The following GABRA3 variants were observed in gnomAD, a reference collection of about 807,000 sequenced individuals.
GABRA3 encodes gamma-aminobutyric acid receptor subunit alpha-3.
A neutral mutation model predicts 30.1 loss-of-function variants in GABRA3; 10 were observed. The ratio of observed to expected loss-of-function variants is 0.33; its 90% confidence interval spans 0.20 to 0.56. GABRA3 has a LOEUF of 0.56. Ranked by LOEUF, GABRA3 falls within the 20% of genes least tolerant of loss-of-function variation. The pLI is 0.89. For synonymous variants in GABRA3, 151 were observed against 146.8 expected (o/e 1.03, Z -0.21); for missense variants, 233 against 392.0 (o/e 0.59, Z 3.42).
At chrX:152,351,377 C>A (rs1940476505) in intron 2 of GABRA3, among the ~76,000 whole-genome samples, 1 of 112,268 alleles carries the variant, frequency 8.9e-6, no homozygotes, top group African/African-American at 3.2e-5. Context: ...GCTCCTCCAT[C>A]AGCACTTGTG....
chrX:152,424,172 A>G (rs1004410329), intron 1 of GABRA3, among the ~76,000 whole-genome samples: 2 of 110,999 alleles, frequency 1.8e-5, no homozygotes, highest in African/African-American at 6.6e-5. Flanking sequence ...ATCATTCCCT[A>G]TCTCAGTGAA....
chrX:152,366,145 TCCATGGTAAGGGCAGTAA>T (rs1928653876), intron 1 of GABRA3, among the ~76,000 whole-genome samples: 1 of 111,534 alleles, frequency 9.0e-6, no homozygotes, highest in African/African-American at 3.3e-5. Context: ...ATAAGTAACT[TCCATGGTAAGGGCAGTAA>T]CCATGATATA....
chrX:152,420,225 C>T (rs938725227), intron 1 of GABRA3, among the ~76,000 whole-genome samples: 4 of 111,062 alleles, frequency 3.6e-5, no homozygotes, highest in Non-Finnish European at 7.6e-5. Context: ...ATAGAAGATG[C>T]CTATGATCTC....
intron 3 of GABRA3, among the ~76,000 whole-genome samples, chrX:152,299,365 G>A (rs746778043): frequency 9.0e-6 from 1 of 110,692 alleles, no homozygotes; most frequent in African/African-American, 3.3e-5. Flanking sequence ...CTGATGCCTG[G>A]GGTATGGCTC....
At position 152,307,245 on chromosome X, in the gene GABRA3, T is replaced by G. The variant is rs774544265; in HGVS notation, c.263-22510A>C. Among the ~76,000 whole-genome samples, 234 of 111,816 alleles carry G rather than the reference T, an allele frequency of 2.1e-3. 1 individual carries two copies. The highest frequency in any genetic ancestry group is 6.5e-3 in the Admixed American group (68 of 10,484). On this transcript the variant is annotated intron_variant, in intron 3 of 9. Transcript: ENST00000370314. ...CGAAATTAAAGTAAAGTAAAGTAAA[T>G]TAAATAAGGGATGCTGGATGTGAAA...
At chrX:152,233,841 A>G (rs1386064423) in intron 5 of GABRA3, among the ~76,000 whole-genome samples, 2 of 106,397 alleles carry the variant, frequency 1.9e-5, no homozygotes, top group Non-Finnish European at 3.9e-5. Flanking sequence ...TGTGGCACAT[A>G]TACACCATGG....
chrX:152,209,486 G>A (rs1467536791), intron 6 of GABRA3, among the ~76,000 whole-genome samples: 1 of 111,150 alleles, frequency 9.0e-6, no homozygotes, highest in Non-Finnish European at 1.9e-5. Context: ...CAAGCCAGAG[G>A]GGAAGAGGGG....
chrX:152,285,064 C>G (rs770186437), intron 3 of GABRA3, among the ~76,000 whole-genome samples: 1 of 111,753 alleles, frequency 8.9e-6, no homozygotes, highest in Non-Finnish European at 1.9e-5. Context: ...TTGCAATATC[C>G]AACACTCTTC....
chrX:152,255,544 T>C (rs1938622840), intron 5 of GABRA3, among the ~76,000 whole-genome samples: 1 of 112,344 alleles, frequency 8.9e-6, no homozygotes, highest in Non-Finnish European at 1.9e-5. Context: ...ATCATGAATG[T>C]ATACCTCTGT....
rs944999865 is a variant in GABRA3, at chrX:152,197,543, C to A, written c.931+90G>T. ...GCTAGGCACAGGAATTTCTCCCATT[C>A]TCTCCAGGAGCCATTCTTCCACCTT... On this transcript the variant is annotated intron_variant, in intron 8 of 9. Transcript: ENST00000370314. The A allele has an allele frequency of 4.0e-5, 34 of 854,155 alleles. No homozygotes were observed. In the Admixed American group the frequency reaches 6.8e-4, roughly 17 times the overall value. 70.4% of individuals were successfully genotyped at this position (854,155 alleles called of 1,213,427 possible).
chrX:152,342,289 C>G (rs891432401), intron 3 of GABRA3, among the ~76,000 whole-genome samples: 1 of 112,228 alleles, frequency 8.9e-6, no homozygotes, highest in African/African-American at 3.2e-5. Context: ...GTTTCTTAAC[C>G]ATTTATATAT....
intron 9 of GABRA3, among the ~76,000 whole-genome samples, chrX:152,183,039 T>C (rs1394438175): frequency 9.3e-6 from 1 of 107,768 alleles, no homozygotes. Context: ...TTGTAGTGTA[T>C]TTGCCTGTCT....
chrX:152,189,585 A>T, intron 9 of GABRA3, 145 bp downstream of exon 9: 1 of 435,574 alleles, frequency 2.3e-6, no homozygotes, highest in Non-Finnish European at 3.9e-6. Flanking sequence ...GTTGCCAAGA[A>T]GCACTCCAGT....
At chrX:152,262,963 G>T (rs913225074) in intron 4 of GABRA3, among the ~76,000 whole-genome samples, 7 of 111,786 alleles carry the variant, frequency 6.3e-5, no homozygotes, top group Non-Finnish European at 1.3e-4. Flanking sequence ...GGCTGGGGGG[G>T]CCTCAGGAAA....
chrX:152,204,692 T>A (rs1401709564), intron 7 of GABRA3, among the ~76,000 whole-genome samples: 1 of 112,315 alleles, frequency 8.9e-6, no homozygotes, highest in Non-Finnish European at 1.9e-5. Flanking sequence ...TAAACCCATA[T>A]ATTACTTTGA....
chrX:152,302,829 G>C (rs934498428), intron 3 of GABRA3, among the ~76,000 whole-genome samples: 2 of 111,566 alleles, frequency 1.8e-5, no homozygotes, highest in Admixed American at 1.9e-4. Context: ...AGAACTTATA[G>C]TATTTGGTTT....
At chrX:152,435,753 A>G (rs1013331507) in intron 1 of GABRA3, among the ~76,000 whole-genome samples, 2 of 111,348 alleles carry the variant, frequency 1.8e-5, no homozygotes, top group African/African-American at 3.3e-5. Context: ...GAATAATAAT[A>G]AAATACAGAA....
chrX:152,382,926 C>T (rs1010450036), intron 1 of GABRA3, among the ~76,000 whole-genome samples: 5 of 111,935 alleles, frequency 4.5e-5, no homozygotes, highest in African/African-American at 1.3e-4. Context: ...ATTACAACTG[C>T]TTTATAATAG....
At chrX:152,328,951 C>T (rs1020162852) in intron 3 of GABRA3, among the ~76,000 whole-genome samples, 1 of 111,781 alleles carries the variant, frequency 8.9e-6, no homozygotes, top group African/African-American at 3.3e-5. Context: ...TTAGAAAACC[C>T]CATCGTCTCA....
Sources: allele counts gnomAD v4.1 joint callset (sites outside exome capture counted in the v4.1 genomes callset), GRCh38; gene constraint gnomAD v4.1.1; transcripts MANE v1.5; gene names NCBI Gene and HGNC (gene_info 2026-07-23, HGNC 2026-07-21).